The following GAK variants were observed in gnomAD, a reference collection of about 807,000 sequenced individuals.
GAK encodes the protein cyclin-G-associated kinase.
In GAK, 79 loss-of-function variants were observed where a neutral mutation model predicts 143.9. That is an observed-to-expected ratio of 0.55 (90% CI 0.46 to 0.66). The LOEUF is 0.66. GAK is among the 30% of genes least tolerant of loss of function. The probability of loss-of-function intolerance (pLI) is 0.00; values close to 1 mark genes in which losing one functional copy is unlikely to be tolerated. For missense variants in GAK, 1,693 were observed against 1,779.7 expected, an observed-to-expected ratio of 0.95 and a Z score of 0.88; for synonymous variants, 881 against 765.5, an observed-to-expected ratio of 1.15 and a Z score of -2.49.
At chr4:909,078 C>T (rs1201597715) in intron 4 of GAK, among the ~76,000 whole-genome samples, 4 of 152,204 alleles carry the variant, frequency 2.6e-5, no homozygotes, top group East Asian at 3.8e-4. Flanking sequence ...AACTCCTCAC[C>T]TCAAGCGATG....
chr4:881,607 G>A (rs771471259), intron 15 of GAK, among the ~76,000 whole-genome samples: 1 of 150,808 alleles, frequency 6.6e-6, no homozygotes, highest in Non-Finnish European at 1.5e-5. Context: ...GCATTTTCAC[G>A]TGCATTATCC....
At chr4:898,287 G>A (rs1051795769) in intron 5 of GAK, 129 bp from the exon 6 acceptor site, 430 of 1,072,014 alleles carry the variant, frequency 4.0e-4, no homozygotes, top group Non-Finnish European at 5.4e-4. Flanking sequence ...CACGGCTGCC[G>A]GGTGCCTGCA....
chr4:891,682 G>C (rs1286344386), intron 9 of GAK, among the ~76,000 whole-genome samples: 4 of 152,134 alleles, frequency 2.6e-5, no homozygotes, highest in African/African-American at 9.7e-5. Flanking sequence ...AATCCCTCCA[G>C]CGCACTCGAC....
chr4:904,851 C>T lies in GAK; in HGVS notation c.383-72G>A, dbSNP rs147492082. ...AGACAGGGAACCTAGGGCTGTTTCA[C>T]GCGGACTTCCCAGAACTAAATGGAA... On this transcript the variant is annotated intron_variant, in intron 4 of 27. Coordinates refer to ENST00000314167, the MANE Select transcript of GAK (RefSeq NM_005255.4). The T allele has an allele frequency of 9.4e-4, 1,403 of 1,486,758 alleles. 12 individuals are homozygous for T. The Admixed American group carries it at 0.014, about 15-fold the overall frequency. The allele number at this position is 1,486,758 out of a possible 1,614,324, so 92.1% of individuals were successfully genotyped here. A position where few individuals can be genotyped will look rare whatever the true frequency, so the allele number is the denominator to read the frequency against.
At chr4:888,817 A>T in intron 11 of GAK, 30 bp downstream of exon 11, 1 of 1,585,778 alleles carries the variant, frequency 6.3e-7, no homozygotes, top group Non-Finnish European at 8.6e-7. Flanking sequence ...AGCGTGCGGC[A>T]GGTCCAGGGC....
chr4:877,343 G>C (rs1714150816), intron 16 of GAK, 136 bp from the exon 17 acceptor site: 5 of 680,656 alleles, frequency 7.3e-6, no homozygotes, highest in Non-Finnish European at 1.3e-5. Flanking sequence ...CCCATGAAGA[G>C]CCTCACAAGA....
chr4:896,756 G>A (rs1367193630), intron 6 of GAK, among the ~76,000 whole-genome samples: 1 of 152,286 alleles, frequency 6.6e-6, no homozygotes, highest in African/African-American at 2.4e-5. Flanking sequence ...TCCTTACGAT[G>A]AGGACTGAGT....
intron 19 of GAK, 71 bp from the exon 20 acceptor site, chr4:868,756 T>C: frequency 1.4e-6 from 2 of 1,479,820 alleles, no homozygotes; most frequent in Non-Finnish European, 1.8e-6. Context: ...ACCCCAGAGC[T>C]GGGAAGTGCA....
intron 18 of GAK, 82 bp from the exon 19 acceptor site, chr4:870,986 T>C (rs1432220882): frequency 5.7e-6 from 7 of 1,233,526 alleles, no homozygotes; most frequent in East Asian, 4.9e-5. Flanking sequence ...GAAACGTGCA[T>C]GGAAACAGGT....
intron 7 of GAK, among the ~76,000 whole-genome samples, chr4:895,573 T>A (rs998589830): frequency 3.3e-5 from 5 of 152,254 alleles, no homozygotes; most frequent in Non-Finnish European, 7.3e-5. Flanking sequence ...GCCCATGTGC[T>A]GTGGCTGATG....
At chr4:870,393 T>C (rs936588711) in intron 19 of GAK, among the ~76,000 whole-genome samples, 3 of 152,138 alleles carry the variant, frequency 2.0e-5, no homozygotes, top group Non-Finnish European at 4.4e-5. Context: ...CCAGCACACA[T>C]GACAAAAATC....
intron 14 of GAK, 58 bp from the exon 15 acceptor site, chr4:882,098 C>T (rs992664152): frequency 4.5e-5 from 69 of 1,520,490 alleles, no homozygotes; most frequent in Admixed American, 9.7e-5. Context: ...CAAGGGCTCG[C>T]GGGGTCCTCG....
chr4:868,878 T>C (rs1711663425), intron 19 of GAK, 193 bp from the exon 20 acceptor site: 3 of 608,496 alleles, frequency 4.9e-6, no homozygotes, highest in Admixed American at 3.0e-5. Context: ...GATGCCACTC[T>C]GGGCCATGCG....
intron 14 of GAK, 128 bp downstream of exon 14, chr4:882,569 A>T (rs1055375458): frequency 3.3e-6 from 4 of 1,202,716 alleles, no homozygotes. Context: ...AAGCACAGGG[A>T]CTTTCTTCCG....
chr4:859,384 A>G (rs946422579), intron 24 of GAK: 2 of 1,492,070 alleles, frequency 1.3e-6, no homozygotes, highest in East Asian at 2.7e-5. Flanking sequence ...GGGGGCTGGC[A>G]GCAGTGCCAG....
chr4:878,956 G>C (rs1456745003), intron 15 of GAK, among the ~76,000 whole-genome samples: 1 of 152,226 alleles, frequency 6.6e-6, no homozygotes, highest in African/African-American at 2.4e-5. Context: ...TCAGCAGGGA[G>C]CCAGGACAGC....
intron 18 of GAK, among the ~76,000 whole-genome samples, chr4:873,192 C>T (rs991981952): frequency 1.3e-5 from 2 of 152,244 alleles, no homozygotes; most frequent in African/African-American, 4.8e-5. Flanking sequence ...CACATTTCCT[C>T]TAAACCCTGC....
In GAK at chr4:851,884, G is replaced by T. The variant is rs759504391; in HGVS notation, c.3374C>A (p.Pro1125Gln). ...GSSSWQTSRP[P>Q]AQGASWPPQA... Reference sequence around the variant, plus strand: ...AGGGGGCCATGAGGCGCCCTGGGCTGGCGGCCGACTTGTCTGCCAGGAGCT... The same window carrying T: ...AGGGGGCCATGAGGCGCCCTGGGCTTGCGGCCGACTTGTCTGCCAGGAGCT... The change falls in exon 25 of 28, where the codon CCA becomes CAA. Residue 1125 changes from proline (P) to glutamine (Q), a missense_variant. Coordinates refer to ENST00000314167, the MANE Select transcript of GAK (RefSeq NM_005255.4). 3 of 1,611,084 alleles carry T rather than the reference G, an allele frequency of 1.9e-6. No homozygotes were observed. The highest frequency in any genetic ancestry group is 1.7e-5 in the Admixed American group (1 of 59,796).
intron 5 of GAK, among the ~76,000 whole-genome samples, chr4:901,490 G>C (rs1014067154): frequency 5.9e-5 from 9 of 152,276 alleles, no homozygotes; most frequent in African/African-American, 2.2e-4. Flanking sequence ...CTGGAGAGGA[G>C]GCGGGGCCCA....
Sources: allele counts gnomAD v4.1 joint callset (sites outside exome capture counted in the v4.1 genomes callset), GRCh38; gene constraint gnomAD v4.1.1; transcripts MANE v1.5; gene names NCBI Gene and HGNC (gene_info 2026-07-23, HGNC 2026-07-21).